Variants in SPAG9 observed in about 807,000 individuals in gnomAD.
The protein encoded by SPAG9 is sperm associated antigen 9.
SPAG9 carries 35 observed loss-of-function variants against 166.5 expected under a neutral mutation model. The observed-to-expected ratio is 0.21, with a 90% CI of 0.16 to 0.28. The LOEUF is 0.28. Among genes scored for constraint, SPAG9 ranks in the 10% least tolerant of loss-of-function variants. The probability of loss-of-function intolerance (pLI) is 1.00; values close to 1 mark genes in which losing one functional copy is unlikely to be tolerated. For missense variants in SPAG9, 1,235 were observed against 1,603.3 expected, an observed-to-expected ratio of 0.77 and a Z score of 3.92; for synonymous variants, 534 against 565.5, an observed-to-expected ratio of 0.94 and a Z score of 0.79.
Position 50,964,839 on chromosome 17 carries a change from A to T in SPAG9, c.*1433T>A. 3.1e-6 allele frequency: 1 copy of T among 322,094 alleles called. No individual in the cohort carries two copies. The highest frequency in any genetic ancestry group is 2.2e-5 in the South Asian group (1 of 46,258). The allele number at this position is 322,094 out of a possible 1,614,324, so 20.0% of individuals were successfully genotyped here. The stretch of plus-strand genomic sequence containing the variant: ...GCTATCAAGGCTCACTGCAACCTCC[A>T]CCTCCTGGGCCCAGGTCATCCTCCC... On this transcript the variant is annotated 3_prime_UTR_variant, in exon 30 of 30. Coordinates refer to ENST00000262013, the MANE Select transcript of SPAG9 (RefSeq NM_001130528.3).
intron 21 of SPAG9, 199 bp downstream of exon 21, chr17:50,989,477 AG>A: frequency 1.6e-6 from 1 of 618,296 alleles, no homozygotes; most frequent in Non-Finnish European, 2.9e-6. Context: ...TTAAATTGGA[AG>A]GTGTACAGAA....
chr17:50,990,514 A>C lies in SPAG9; in HGVS notation c.2553T>G (p.Gly851=). 1 of 1,614,164 alleles carries C rather than the reference A, an allele frequency of 6.2e-7. No individual in the cohort carries two copies. The highest frequency in any genetic ancestry group is 8.5e-7 in the Non-Finnish European group (1 of 1,180,028). Residue 851 remains glycine (G), a synonymous_variant, in exon 20 of 30, where the codon GGT becomes GGG. Transcript: ENST00000262013. The part of the protein sequence containing the change: ...GITVVGCSAE[G]VTGAATSPST... Reference sequence around the variant, plus strand: ...TAGGGGAAGTGGCAGCTCCCGTCACACCTTCTGCAGAACAACCAACCACTG... The same window carrying C: ...TAGGGGAAGTGGCAGCTCCCGTCACCCCTTCTGCAGAACAACCAACCACTG...
chr17:51,106,588 G>A (rs934249034), intron 1 of SPAG9, among the ~76,000 whole-genome samples: 1 of 151,984 alleles, frequency 6.6e-6, no homozygotes, highest in African/African-American at 2.4e-5. Context: ...CTCAAGGTCA[G>A]GAATTCAAGA....
Position 51,061,716 on chromosome 17 carries a change from CCATTGTT to C in SPAG9, c.425-5241_425-5235del, listed in dbSNP as rs200328611. Among the ~76,000 whole-genome samples, 1,034 of 150,476 alleles carry C rather than the reference CCATTGTT, an allele frequency of 6.9e-3. 14 individuals carry two copies. The highest frequency in any genetic ancestry group is 0.023 in the African/African-American group (948 of 40,748). On this transcript the variant is annotated intron_variant, in intron 2 of 29. Transcript: ENST00000262013. ...CCAATATTTATCTAAATGAATATGA[CCATTGTT>C]CACATAAGCTTAGGTTCATCCATAA...
In SPAG9 at chr17:51,010,573, A is replaced by G. The variant is rs1041027132; in HGVS notation, c.1214-3247T>C. ...ACTTAAGCAAGGCAAGAAAAGAAAA[A>G]AAAAAAAAAATATATATATATATAT... On this transcript the variant is annotated intron_variant, in intron 9 of 29. Coordinates refer to ENST00000262013, the MANE Select transcript of SPAG9 (RefSeq NM_001130528.3). Among the ~76,000 whole-genome samples, 852 of 91,586 alleles carry G rather than the reference A, an allele frequency of 9.3e-3. 8 individuals are homozygous for G. The highest frequency in any genetic ancestry group is 0.021 in the African/African-American group (635 of 29,692). 60.1% of individuals were successfully genotyped at this position (91,586 alleles called of 152,430 possible). A position where few individuals can be genotyped will look rare whatever the true frequency, so the allele number is the denominator to read the frequency against.
chr17:50,999,234 G>C (rs1264704910), intron 14 of SPAG9, among the ~76,000 whole-genome samples: 1 of 151,988 alleles, frequency 6.6e-6, no homozygotes, highest in African/African-American at 2.4e-5. Flanking sequence ...CATAACTCAA[G>C]CTCAATACAT....
At chr17:51,056,183 A>G (rs1277021107) in intron 3 of SPAG9, among the ~76,000 whole-genome samples, 1 of 152,202 alleles carries the variant, frequency 6.6e-6, no homozygotes, top group Non-Finnish European at 1.5e-5. Flanking sequence ...TAAATAACTA[A>G]ATTATTCTGT....
intron 27 of SPAG9, among the ~76,000 whole-genome samples, chr17:50,976,252 C>G (rs538082735): frequency 6.6e-6 from 1 of 151,874 alleles, no homozygotes; most frequent in African/African-American, 2.4e-5. Context: ...TTTTAAAAAA[C>G]AAATCCTGTT....
chr17:51,015,532 T>C (rs1318277809), intron 8 of SPAG9, among the ~76,000 whole-genome samples: 1 of 152,026 alleles, frequency 6.6e-6, no homozygotes, highest in Non-Finnish European at 1.5e-5. Context: ...AGAAGGCCTC[T>C]ATTATAAAAG....
Position 50,999,688 on chromosome 17 carries a change from T to C in SPAG9, c.1637A>G (p.Glu546Gly). The stretch of plus-strand genomic sequence containing the variant: ...CTGCCAAATGCTTGACCTTTTTTTT[T>C]CCTGCATGGCTGGATTTTCTCGTGA... ...RASRENPAMQ[E>G]KKRSSIWQFF... is the part of the protein sequence containing the mutation. Residue 546 changes from glutamate (E) to glycine (G), a missense_variant, in exon 14 of 30, where the codon GAA (glutamate) becomes GGA (glycine). This residue lies in a region of SPAG9 where 125 missense variants were observed against 194.0 expected (regional missense o/e 0.64). Transcript: ENST00000262013. 6.2e-7 allele frequency: 1 copy of C among 1,613,686 alleles called. No individual in the cohort carries two copies. Among genetic ancestry groups the C allele is most frequent in the Non-Finnish European group, 8.5e-7 (1 of 1,179,776 alleles).
intron 8 of SPAG9, among the ~76,000 whole-genome samples, chr17:51,017,546 G>GA (rs2045754441): frequency 6.6e-6 from 1 of 151,630 alleles, no homozygotes; most frequent in Non-Finnish European, 1.5e-5. Context: ...GAGAGAGAGA[G>GA]AGAGACAGAG....
chr17:51,112,996 GA>G (rs200779245), intron 1 of SPAG9, among the ~76,000 whole-genome samples: 3,293 of 142,150 alleles, frequency 0.023, 100 homozygotes, highest in African/African-American at 0.069. Context: ...CCAACCAAAG[GA>G]AAAAAAAATC....
chr17:51,008,391 C>CA (rs1029302138), intron 9 of SPAG9, among the ~76,000 whole-genome samples: 8 of 151,104 alleles, frequency 5.3e-5, no homozygotes, highest in African/African-American at 7.3e-5. Flanking sequence ...CAAAACAAAA[C>CA]AAAAAAAACC....
chr17:50,966,174 G>T lies in SPAG9; in HGVS notation c.*98C>A. The T allele has an allele frequency of 1.2e-6, 1 of 806,988 alleles. No individual in the cohort carries two copies. 50.0% of individuals were successfully genotyped at this position (806,988 alleles called of 1,614,324 possible). On this transcript the variant is annotated 3_prime_UTR_variant, in exon 30 of 30. Transcript: ENST00000262013. ...AAAAAATGCTCACACATTATGTGGT[G>T]AAACTTATCTCACAAAAGAGCATTA...
Position 51,034,823 on chromosome 17 carries a change from T to C in SPAG9, c.742-3101A>G, listed in dbSNP as rs374876782. Among the ~76,000 whole-genome samples, 35 of 152,302 alleles carry C rather than the reference T, an allele frequency of 2.3e-4. 1 individual carries two copies. In the East Asian group the frequency reaches 4.2e-3, roughly 18 times the overall value. ...GTCTCAAAGTATATCCACACCAAGA[T>C]ACTAGATTCTGTTATATTCTCGCCA... On this transcript the variant is annotated intron_variant, in intron 5 of 29. Coordinates refer to ENST00000262013, the MANE Select transcript of SPAG9 (RefSeq NM_001130528.3).
At chr17:51,100,823 G>A (rs148646346) in intron 1 of SPAG9, among the ~76,000 whole-genome samples, 3 of 152,062 alleles carry the variant, frequency 2.0e-5, no homozygotes, top group African/African-American at 7.2e-5. Flanking sequence ...GGAGGCTGAG[G>A]CAAGAGAATC....
At chr17:51,049,235 C>T (rs1248688129) in intron 3 of SPAG9, among the ~76,000 whole-genome samples, 1 of 151,610 alleles carries the variant, frequency 6.6e-6, no homozygotes, top group Non-Finnish European at 1.5e-5. Flanking sequence ...AACTAGCAGG[C>T]ACTCGCCTAT....
chr17:51,005,138 CT>C, intron 12 of SPAG9, 73 bp downstream of exon 12: 1 of 1,264,586 alleles, frequency 7.9e-7, no homozygotes, highest in East Asian at 2.4e-5. Context: ...ATATCCAAAG[CT>C]TACGTAGGAA....
intron 3 of SPAG9, among the ~76,000 whole-genome samples, chr17:51,049,181 TG>T (rs1050424673): frequency 6.6e-6 from 1 of 151,594 alleles, no homozygotes; most frequent in African/African-American, 2.4e-5. Context: ...GAGATCAGCC[TG>T]GGCAACACAG....
Sources: allele counts gnomAD v4.1 joint callset (sites outside exome capture counted in the v4.1 genomes callset), GRCh38; gene constraint gnomAD v4.1.1; regional missense constraint gnomAD v4.1.1; transcripts MANE v1.5; gene names NCBI Gene and HGNC (gene_info 2026-07-23, HGNC 2026-07-21).